Variants in THSD7B observed in about 807,000 individuals in gnomAD.
THSD7B encodes thrombospondin type-1 domain-containing protein 7B.
A neutral mutation model predicts 213.6 loss-of-function variants in THSD7B; 138 were observed. The observed-to-expected ratio is 0.65, with a 90% CI of 0.56 to 0.74. The LOEUF is 0.74. Among genes scored for constraint, THSD7B ranks in the 30% least tolerant of loss-of-function variants. THSD7B has a pLI of 0.00. For missense variants in THSD7B, 1,931 were observed against 1,991.5 expected (o/e 0.97, Z 0.58); for synonymous variants, 742 against 687.0 (o/e 1.08, Z -1.25).
Position 137,242,446 on chromosome 2 carries a change from C to G in THSD7B, c.2151-11C>G, listed in dbSNP as rs925217380. Reference sequence around the variant, plus strand: ...CAAAAAGGCATTGACATGGTCTTTTCACATTGACAGATGTCCAGATTCTAC... The same window carrying G: ...CAAAAAGGCATTGACATGGTCTTTTGACATTGACAGATGTCCAGATTCTAC... On this transcript the variant is annotated splice_polypyrimidine_tract_variant and intron_variant, in intron 9 of 27. Transcript: ENST00000409968. 1.2e-6 allele frequency: 2 copies of G among 1,607,054 alleles called. No individual in the cohort carries two copies. The highest frequency in any genetic ancestry group is 2.7e-5 in the African/African-American group (2 of 74,864).
intron 12 of THSD7B, among the ~76,000 whole-genome samples, chr2:137,318,091 T>A (rs1684169783): frequency 6.6e-6 from 1 of 152,218 alleles, no homozygotes; most frequent in South Asian, 2.1e-4. Flanking sequence ...ACAGAAAATC[T>A]AACTCAAATT....
intron 25 of THSD7B, among the ~76,000 whole-genome samples, chr2:137,660,266 T>C (rs1463190902): frequency 6.6e-6 from 1 of 152,190 alleles, no homozygotes; most frequent in Non-Finnish European, 1.5e-5. Context: ...TTTTCTCCTA[T>C]AACTCCCATC....
intron 4 of THSD7B, among the ~76,000 whole-genome samples, chr2:137,101,818 T>C (rs1688156302): frequency 6.6e-6 from 1 of 152,214 alleles, no homozygotes. Context: ...ACAAAGCTGC[T>C]GTAGCCAGAC....
chr2:136,944,912 T>A (rs1335155938), intron 2 of THSD7B, among the ~76,000 whole-genome samples: 1 of 152,182 alleles, frequency 6.6e-6, no homozygotes, highest in Non-Finnish European at 1.5e-5. Context: ...TTGTTATGTG[T>A]GAATCTGATC....
chr2:137,211,574 A>G (rs1201828317), intron 7 of THSD7B, among the ~76,000 whole-genome samples: 2 of 152,066 alleles, frequency 1.3e-5, no homozygotes, highest in African/African-American at 4.8e-5. Context: ...AGAATTTATA[A>G]ATGATCTTAG....
intron 17 of THSD7B, among the ~76,000 whole-genome samples, chr2:137,598,563 A>T (rs1350988104): frequency 6.6e-6 from 1 of 152,146 alleles, no homozygotes; most frequent in East Asian, 1.9e-4. Flanking sequence ...ACTGCTCAAA[A>T]CTCACTAGAG....
chr2:137,117,164 T>G (rs1386405930), intron 5 of THSD7B, among the ~76,000 whole-genome samples: 1 of 150,636 alleles, frequency 6.6e-6, no homozygotes, highest in East Asian at 1.9e-4. Context: ...TTATCAAAGG[T>G]TTTATTTTGC....
intron 7 of THSD7B, among the ~76,000 whole-genome samples, chr2:137,217,285 A>G (rs541362806): frequency 3.3e-5 from 5 of 152,180 alleles, no homozygotes; most frequent in Non-Finnish European, 5.9e-5. Context: ...CATAGTTTTT[A>G]CAGATTTGAC....
At position 137,016,180 on chromosome 2, in the gene THSD7B, G is replaced by T. The variant is rs921463671; in HGVS notation, c.140-40240G>T. 5.9e-5 allele frequency among the ~76,000 whole-genome samples: 9 copies of T among 152,194 alleles called. No individual in the cohort carries two copies. The East Asian group carries it at 1.5e-3, about 26-fold the overall frequency. ...CATCTATGAGGAAATTGAGGCTTGG[G>T]GGGTGAGGTGGCATTGTAAAGTCAC... On this transcript the variant is annotated intron_variant, in intron 2 of 27. Transcript: ENST00000409968.
intron 15 of THSD7B, among the ~76,000 whole-genome samples, chr2:137,557,215 C>T (rs547987789): frequency 6.6e-6 from 1 of 152,170 alleles, no homozygotes; most frequent in Non-Finnish European, 1.5e-5. Context: ...ACAGAACTCT[C>T]CACCCCAAAT....
At chr2:137,415,664 GTTTTTTTTTTTTTTT>G (rs10563702) in intron 14 of THSD7B, among the ~76,000 whole-genome samples, 4 of 80,102 alleles carry the variant, frequency 5.0e-5, no homozygotes, top group Admixed American at 1.8e-4. Context: ...TTATATCAGT[GTTTTTTTTTTTTTTT>G]TTTTTTTTTT....
At chr2:137,281,738 G>C (rs11687842) in intron 12 of THSD7B, among the ~76,000 whole-genome samples, 3 of 151,784 alleles carry the variant, frequency 2.0e-5, no homozygotes, top group Admixed American at 6.6e-5. Flanking sequence ...TGAACTCATC[G>C]TTTTTTATGG....
chr2:136,852,753 CTAAA>C (rs1331720687), intron 1 of THSD7B, among the ~76,000 whole-genome samples: 1 of 152,072 alleles, frequency 6.6e-6, no homozygotes, highest in African/African-American at 2.4e-5. Flanking sequence ...AAAGAGCACT[CTAAA>C]TATTTTTATT....
intron 1 of THSD7B, among the ~76,000 whole-genome samples, chr2:136,778,194 C>T (rs1681649287): frequency 6.6e-6 from 1 of 152,138 alleles, no homozygotes; most frequent in Non-Finnish European, 1.5e-5. Flanking sequence ...CTTTCTTCAC[C>T]TTGCTTTCCT....
chr2:137,302,828 C>A (rs557521045), intron 12 of THSD7B, among the ~76,000 whole-genome samples: 1 of 152,052 alleles, frequency 6.6e-6, no homozygotes, highest in African/African-American at 2.4e-5. Flanking sequence ...GTATTAAAAA[C>A]GAAGTCATGA....
intron 15 of THSD7B, among the ~76,000 whole-genome samples, chr2:137,496,292 T>C (rs1359090441): frequency 2.0e-5 from 3 of 152,224 alleles, no homozygotes; most frequent in African/African-American, 7.2e-5. Context: ...CAAAGACTGA[T>C]AGACTTGGAC....
intron 15 of THSD7B, among the ~76,000 whole-genome samples, chr2:137,544,036 A>C (rs1680654469): frequency 6.6e-6 from 1 of 151,820 alleles, no homozygotes; most frequent in African/African-American, 2.4e-5. Context: ...TGTTGCAGCC[A>C]CTTTGGAACA....
At chr2:137,392,362 A>G (rs570797175) in intron 12 of THSD7B, among the ~76,000 whole-genome samples, 7 of 152,222 alleles carry the variant, frequency 4.6e-5, no homozygotes, top group African/African-American at 1.7e-4. Flanking sequence ...ATCCCCTACT[A>G]TTATTGTATT....
At chr2:137,270,540 G>A (rs1437760181) in intron 10 of THSD7B, among the ~76,000 whole-genome samples, 2 of 152,192 alleles carry the variant, frequency 1.3e-5, no homozygotes, top group African/African-American at 2.4e-5. Context: ...GAGGACATTA[G>A]TGGATGACAG....
Sources: allele counts gnomAD v4.1 joint callset (sites outside exome capture counted in the v4.1 genomes callset), GRCh38; gene constraint gnomAD v4.1.1; transcripts MANE v1.5; gene names NCBI Gene and HGNC (gene_info 2026-07-23, HGNC 2026-07-21).